Variants in SNX13 observed in about 807,000 individuals in gnomAD.
SNX13 encodes the protein sorting nexin 13.
SNX13 carries 45 observed loss-of-function variants against 133.6 expected under a neutral mutation model. The observed-to-expected ratio is 0.34, with a 90% CI of 0.27 to 0.43. The LOEUF is 0.43. Among genes scored for constraint, SNX13 ranks in the 20% least tolerant of loss-of-function variants. The probability of loss-of-function intolerance (pLI) is 1.00; values close to 1 mark genes in which losing one functional copy is unlikely to be tolerated. For missense variants in SNX13, 1,032 were observed against 1,145.1 expected, an observed-to-expected ratio of 0.90 and a Z score of 1.43; for synonymous variants, 414 against 373.9, an observed-to-expected ratio of 1.11 and a Z score of -1.24.
chr7:17,915,083 A>G (rs1272950459), intron 1 of SNX13, among the ~76,000 whole-genome samples: 7 of 152,246 alleles, frequency 4.6e-5, no homozygotes. Flanking sequence ...CTTGTATCAA[A>G]TAAAACAAAC....
At chr7:17,808,144 T>C (rs1260912987) in intron 20 of SNX13, among the ~76,000 whole-genome samples, 1 of 151,996 alleles carries the variant, frequency 6.6e-6, no homozygotes, top group African/African-American at 2.4e-5. Context: ...AGAAGGTGGG[T>C]AATAACAAAC....
chr7:17,891,766 C>G, intron 3 of SNX13, 131 bp from the exon 4 acceptor site: 2 of 574,888 alleles, frequency 3.5e-6, no homozygotes. Context: ...ATTTGAGGTG[C>G]TACTCTATAA....
chr7:17,845,997 T>C (rs528991507), intron 11 of SNX13, among the ~76,000 whole-genome samples: 1 of 152,226 alleles, frequency 6.6e-6, no homozygotes, highest in African/African-American at 2.4e-5. Flanking sequence ...CAAATGAAAA[T>C]GAACATTCCA....
At chr7:17,805,250 T>TGTGTGTGTGTGTGTGTGCGCGCGCGCGC in intron 20 of SNX13, among the ~76,000 whole-genome samples, 2 of 95,552 alleles carry the variant, frequency 2.1e-5, no homozygotes, top group African/African-American at 3.1e-5. Flanking sequence ...TGTGTGTGTG[T>TGTGTGTGTGTGTGTGTGCGCGCGCGCGC]GCGTGCGCGC....
intron 5 of SNX13, chr7:17,880,617 G>A (rs1229823898): frequency 6.6e-6 from 1 of 152,156 alleles, no homozygotes; most frequent in Non-Finnish European, 1.5e-5. Context: ...AACAGAAGTG[G>A]ATAGATGTAA....
At chr7:17,875,841 A>T in intron 5 of SNX13, 51 bp from the exon 6 acceptor site, 12 of 1,417,726 alleles carry the variant, frequency 8.5e-6, no homozygotes. Context: ...TTTATCAGAA[A>T]ATATAAATTC....
Position 17,878,050 on chromosome 7 carries a change from GATAA to G in SNX13, c.441-2264_441-2261del, listed in dbSNP as rs546713958. On this transcript the variant is annotated intron_variant, in intron 5 of 25. Coordinates refer to ENST00000428135, the MANE Select transcript of SNX13 (RefSeq NM_015132.5). ...GAAGTACTTTCTAAAATCATGACATGATAAATATGTAATAAATGCAATGTGAAAA... is the reference window on the plus strand; with the variant it reads ...GAAGTACTTTCTAAAATCATGACATGATATGTAATAAATGCAATGTGAAAA... Among the ~76,000 whole-genome samples, 553 of 152,096 alleles carry G rather than the reference GATAA, an allele frequency of 3.6e-3. 5 individuals are homozygous for G. The highest frequency in any genetic ancestry group is 0.013 in the African/African-American group (528 of 41,508).
chr7:17,932,614 A>G (rs1267587472), intron 1 of SNX13, among the ~76,000 whole-genome samples: 3 of 152,224 alleles, frequency 2.0e-5, no homozygotes, highest in Admixed American at 6.5e-5. Flanking sequence ...GCCCATCCTC[A>G]GGAGTTTACT....
At chr7:17,939,951 G>A (rs75228782) in intron 1 of SNX13, among the ~76,000 whole-genome samples, 2,632 of 152,212 alleles carry the variant, frequency 0.017, 82 homozygotes, top group African/African-American at 0.06. Flanking sequence ...AACGTGGAAA[G>A]GCCAACGCTG....
chr7:17,873,634 A>G lies in SNX13; in HGVS notation c.665-18T>C. On this transcript the variant is annotated intron_variant, in intron 7 of 25. Coordinates refer to ENST00000428135, the MANE Select transcript of SNX13 (RefSeq NM_015132.5). ...TAGGAATCCTAAAAGTAGAAAAAGT[A>G]GCTATCATAACATTAGAAAATATAA... 1 of 1,448,678 alleles carries G rather than the reference A, an allele frequency of 6.9e-7. No homozygotes were observed. The highest frequency in any genetic ancestry group is 9.4e-7 in the Non-Finnish European group (1 of 1,065,694). 89.7% of individuals were successfully genotyped at this position (1,448,678 alleles called of 1,614,324 possible).
intron 11 of SNX13, among the ~76,000 whole-genome samples, chr7:17,849,670 A>G (rs1426764622): frequency 2.0e-5 from 3 of 152,138 alleles, no homozygotes; most frequent in Non-Finnish European, 4.4e-5. Context: ...TAGCTCATTC[A>G]TTCCATACCA....
chr7:17,922,180 G>A (rs1182248545), intron 1 of SNX13, among the ~76,000 whole-genome samples: 1 of 152,148 alleles, frequency 6.6e-6, no homozygotes, highest in Non-Finnish European at 1.5e-5. Context: ...GTGAGCACAG[G>A]GTTACAAATA....
intron 16 of SNX13, among the ~76,000 whole-genome samples, chr7:17,827,281 T>C (rs1276339945): frequency 6.6e-6 from 1 of 152,046 alleles, no homozygotes; most frequent in Non-Finnish European, 1.5e-5. Context: ...ACCGAACATA[T>C]ATAATCTAGA....
rs758679493 is a variant in SNX13 at position 17,794,188 on chromosome 7, A to G, written c.2731T>C (p.Phe911Leu). 3.7e-6 allele frequency: 6 copies of G among 1,611,600 alleles called. No individual in the cohort carries two copies. Among genetic ancestry groups the G allele is most frequent in the Non-Finnish European group, 5.1e-6 (6 of 1,178,528 alleles). Residue 911 changes from phenylalanine to leucine, a missense_variant, in exon 26 of 26, where the codon TTC (phenylalanine) becomes CTC (leucine). By Grantham distance (22) the Phe-to-Leu change is conservative. Transcript: ENST00000428135. The part of the protein sequence containing the change: ...NQLNRRMVYV[F>L]LEGFLETLFP... ...AAGGTTTCTAAAAAGCCTTCCAAGA[A>G]GACATAAACCATTCTCCTATTTAAT... is the stretch of plus-strand genomic sequence containing the variant.
intron 1 of SNX13, among the ~76,000 whole-genome samples, chr7:17,930,181 T>C (rs1008746471): frequency 8.1e-6 from 1 of 123,582 alleles, no homozygotes; most frequent in Non-Finnish European, 1.8e-5. Flanking sequence ...GCACAGTACA[T>C]GTGTTACTTC....
intron 1 of SNX13, among the ~76,000 whole-genome samples, chr7:17,922,851 A>G (rs539020643): frequency 1.3e-5 from 2 of 152,248 alleles, no homozygotes; most frequent in African/African-American, 4.8e-5. Flanking sequence ...ATGAAAAATC[A>G]TATGTGCTTA....
At chr7:17,807,699 C>T (rs1785474923) in intron 20 of SNX13, among the ~76,000 whole-genome samples, 1 of 152,174 alleles carries the variant, frequency 6.6e-6, no homozygotes, top group South Asian at 2.1e-4. Flanking sequence ...GGTCGACAGA[C>T]ACCTCATACA....
rs796285866 is a variant in SNX13 at position 17,937,005 on chromosome 7, A to AAAAAT, written c.12+3274_12+3278dup. On this transcript the variant is annotated intron_variant, in intron 1 of 25. Transcript: ENST00000428135. ...GAAGGGGAAAAAAACTAACATTAAA[A>AAAAAT]AAAATAAAATAAAATAAAAAAAAAA... Among the ~76,000 whole-genome samples, 3 of 145,254 alleles carry AAAAAT rather than the reference A, an allele frequency of 2.1e-5. No homozygotes were observed. In the East Asian group the frequency reaches 5.9e-4, roughly 28 times the overall value.
chr7:17,877,726 C>A, intron 5 of SNX13, among the ~76,000 whole-genome samples: 1 of 103,662 alleles, frequency 9.6e-6, no homozygotes, highest in Admixed American at 9.0e-5. Flanking sequence ...TCAAGCAATG[C>A]AAATACATAC....
Sources: allele counts gnomAD v4.1 joint callset (sites outside exome capture counted in the v4.1 genomes callset), GRCh38; gene constraint gnomAD v4.1.1; transcripts MANE v1.5; gene names NCBI Gene and HGNC (gene_info 2026-07-23, HGNC 2026-07-21).